ZNFX1: variants seen among roughly 807,000 people sequenced by gnomAD.
The protein encoded by ZNFX1 is NFX1-type zinc finger-containing protein 1.
A neutral mutation model predicts 179.8 loss-of-function variants in ZNFX1; 78 were observed. That is an observed-to-expected ratio of 0.43 (90% CI 0.36 to 0.52). The LOEUF (loss-of-function observed/expected upper bound fraction) is 0.52, where lower values mean the gene tolerates loss of function less well. ZNFX1 is among the 20% of genes least tolerant of loss of function. The pLI is 0.00. For synonymous variants in ZNFX1, 848 were observed against 868.5 expected (o/e 0.98, Z 0.42); for missense variants, 1,927 against 2,386.6 (o/e 0.81, Z 4.01).
chr20:49,256,977 T>A (rs1385899238), intron 8 of ZNFX1, among the ~76,000 whole-genome samples: 1 of 152,168 alleles, frequency 6.6e-6, no homozygotes, highest in Non-Finnish European at 1.5e-5. Flanking sequence ...AAGAGAAGTG[T>A]CAAATTCCAG....
At chr20:49,272,073 A>G (rs11905214) in intron 2 of ZNFX1, among the ~76,000 whole-genome samples, 28,923 of 152,170 alleles carry the variant, frequency 0.19, 2,827 homozygotes, top group Non-Finnish European at 0.22. Flanking sequence ...TAACAGTCAG[A>G]ACATGAGTTT....
chr20:49,266,889 A>G (rs1379820119), intron 3 of ZNFX1, among the ~76,000 whole-genome samples: 2 of 152,070 alleles, frequency 1.3e-5, no homozygotes. Flanking sequence ...TAGGCTAAAA[A>G]CTGCTAAATT....
At chr20:49,252,106 T>TG (rs1396916703) in intron 12 of ZNFX1, among the ~76,000 whole-genome samples, 7 of 151,088 alleles carry the variant, frequency 4.6e-5, no homozygotes, top group African/African-American at 7.3e-5. Context: ...GTGCTAGGAT[T>TG]AAGGTGTGAG....
At chr20:49,256,072 C>T (rs1367441173) in intron 8 of ZNFX1, 125 bp from the exon 9 acceptor site, 10 of 1,226,170 alleles carry the variant, frequency 8.2e-6, no homozygotes, top group African/African-American at 3.0e-5. Context: ...AAGTGTCTTA[C>T]ATTCTCCCAA....
intron 10 of ZNFX1, 72 bp downstream of exon 10, chr20:49,254,423 A>G: frequency 1.3e-6 from 2 of 1,564,820 alleles, no homozygotes; most frequent in Non-Finnish European, 1.7e-6. Flanking sequence ...GCTCCTCTTT[A>G]CCTGTCCTTA....
At chr20:49,272,976 CA>C (rs1981457701) in intron 2 of ZNFX1, among the ~76,000 whole-genome samples, 1 of 149,582 alleles carries the variant, frequency 6.7e-6, no homozygotes, top group South Asian at 2.1e-4. Flanking sequence ...ATTTTAAAAA[CA>C]AATAAAATAC....
Position 49,270,950 on chromosome 20 carries a change from C to G in ZNFX1, c.862G>C (p.Glu288Gln). The G allele has an allele frequency of 1.2e-6, 2 of 1,614,116 alleles. No individual in the cohort carries two copies. The highest frequency in any genetic ancestry group is 1.7e-6 in the Non-Finnish European group (2 of 1,180,018). Residue 288 changes from glutamate to glutamine, a missense_variant, in exon 3 of 14, where the codon GAA becomes CAA. By Grantham distance (29) the Glu-to-Gln change is conservative. Coordinates refer to ENST00000396105, the MANE Select transcript of ZNFX1 (RefSeq NM_021035.3). This position sits in a 1 kb window ranked among gnomAD's most constrained non-coding sequence, Gnocchi z 4.6. ...TCCAGGTTCTTCTCCGTTTCCTCTTCTATGTCAACACCAGAGGCTCTCAGA... is the reference window on the plus strand; with the variant it reads ...TCCAGGTTCTTCTCCGTTTCCTCTTGTATGTCAACACCAGAGGCTCTCAGA... Reference protein sequence around the residue: ...NALRASGVDIEEETEKNLEKV... With the variant: ...NALRASGVDIQEETEKNLEKV...
rs1980756860 is a variant in ZNFX1 at position 49,248,910 on chromosome 20, A to T, written c.4114T>A (p.Cys1372Ser). The change falls in exon 14 of 14, where the codon TGC (cysteine) becomes AGC (serine). Residue 1372 changes from cysteine to serine, a missense_variant. Transcript: ENST00000396105. This position sits in a 1 kb window ranked among gnomAD's most constrained non-coding sequence, Gnocchi z 4.6. ...AGAGACTTGGAGCAAGGCTCCTGGC[A>T]GCAGAAATCTGACTCAGGCACGGAA... is the stretch of plus-strand genomic sequence containing the variant. ...PCSVPESDFC[C>S]QEPCSKSLRC... The T allele has an allele frequency of 6.2e-7, 1 of 1,614,282 alleles. No homozygotes were observed.
At chr20:49,251,643 C>T (rs550553822) in intron 12 of ZNFX1, 21 bp from the exon 13 acceptor site, 2 of 1,586,786 alleles carry the variant, frequency 1.3e-6, no homozygotes, top group African/African-American at 1.4e-5. Flanking sequence ...ACATGCATGT[C>T]ATTAGAAACA....
Position 49,263,379 on chromosome 20 carries a change from G to A in ZNFX1, c.2256C>T (p.Tyr752=). 6.2e-7 allele frequency: 1 copy of A among 1,613,992 alleles called. No homozygotes were observed. The highest frequency in any genetic ancestry group is 8.5e-7 in the Non-Finnish European group (1 of 1,180,030). The change falls in exon 6 of 14, where the codon TAC becomes TAT. Residue 752 remains tyrosine (Y), a synonymous_variant. Coordinates refer to ENST00000396105, the MANE Select transcript of ZNFX1 (RefSeq NM_021035.3). ...GACTTTCCCAGTGCTGGGGTGAGAT[G>A]TACTTCTGCAGGTACTGTTCCCGTA... The part of the protein sequence containing the change: ...GVLREQYLQK[Y]ISPQHWESLM...
At chr20:49,260,691 C>T in intron 6 of ZNFX1, 114 bp from the exon 7 acceptor site, 2 of 714,324 alleles carry the variant, frequency 2.8e-6, no homozygotes, top group Non-Finnish European at 4.4e-6. Context: ...CCTGTAATCC[C>T]AGCAATTTGG....
intron 7 of ZNFX1, 134 bp downstream of exon 7, chr20:49,260,329 A>T: frequency 2.2e-6 from 1 of 465,074 alleles, no homozygotes; most frequent in Non-Finnish European, 3.7e-6. Context: ...TTTTCCTTAT[A>T]TTAAGCTATT....
At chr20:49,267,295 C>T (rs1981259296) in intron 3 of ZNFX1, among the ~76,000 whole-genome samples, 1 of 152,250 alleles carries the variant, frequency 6.6e-6, no homozygotes, top group South Asian at 2.1e-4. Context: ...AAAGATTTCA[C>T]TACAGCAGGA....
In ZNFX1 at chr20:49,266,043, CT is replaced by C. The variant is rs905932853; in HGVS notation, c.2002+91del. ...TGTAAGTAATGATAAGGACTGTTGACTTTGTTTGAAGAGCAATAGAAAGCTA... is the reference window on the plus strand; with the variant it reads ...TGTAAGTAATGATAAGGACTGTTGACTTGTTTGAAGAGCAATAGAAAGCTA... On this transcript the variant is annotated intron_variant, in intron 4 of 13. Coordinates refer to ENST00000396105, the MANE Select transcript of ZNFX1 (RefSeq NM_021035.3). 73 of 1,453,784 alleles carry C rather than the reference CT, an allele frequency of 5.0e-5. No homozygotes were observed. The African/African-American group carries it at 9.3e-4, about 18-fold the overall frequency. The allele number at this position is 1,453,784 out of a possible 1,614,324, so 90.1% of individuals were successfully genotyped here. A position where few individuals can be genotyped will look rare whatever the true frequency, so the allele number is the denominator to read the frequency against.
chr20:49,254,413 G>T (rs1980917458), intron 10 of ZNFX1, 82 bp downstream of exon 10: 1 of 1,512,590 alleles, frequency 6.6e-7, no homozygotes, highest in Non-Finnish European at 9.0e-7. Context: ...TACCAAAGAA[G>T]CTCCTCTTTA....
rs772055435 is a variant in ZNFX1, at chr20:49,246,925, A to G, written c.*342T>C. 4 of 465,838 alleles carry G rather than the reference A, an allele frequency of 8.6e-6. No homozygotes were observed. Among genetic ancestry groups the G allele is most frequent in the Non-Finnish European group, 1.7e-5 (4 of 234,608 alleles). The allele number at this position is 465,838 out of a possible 1,614,324, so 28.9% of individuals were successfully genotyped here. On this transcript the variant is annotated 3_prime_UTR_variant, in exon 14 of 14. Transcript: ENST00000396105. ...CTCCTGTCGCCCAGACTGGAGTGCAATGGCATGATCTCAGCTCACTGCAAC... is the reference window on the plus strand; with the variant it reads ...CTCCTGTCGCCCAGACTGGAGTGCAGTGGCATGATCTCAGCTCACTGCAAC...
intron 2 of ZNFX1, among the ~76,000 whole-genome samples, chr20:49,274,957 C>A (rs1215592992): frequency 9.8e-6 from 1 of 101,618 alleles, no homozygotes; most frequent in African/African-American, 3.1e-5. Context: ...CCCGTCTCTA[C>A]TGAAAATACA....
At chr20:49,250,674 C>T (rs777625604) in intron 13 of ZNFX1, among the ~76,000 whole-genome samples, 82 of 152,252 alleles carry the variant, frequency 5.4e-4, no homozygotes, top group Non-Finnish European at 7.8e-4. Context: ...GCCTCAGCCT[C>T]CCAAGTAGCT....
Position 49,264,765 on chromosome 20 carries a change from C to A in ZNFX1, c.2102G>T (p.Arg701Leu), listed in dbSNP as rs753184564. Residue 701 changes from arginine (R) to leucine (L), a missense_variant, in exon 5 of 14, where the codon CGG becomes CTG. Coordinates refer to ENST00000396105, the MANE Select transcript of ZNFX1 (RefSeq NM_021035.3). Reference sequence around the variant, plus strand: ...CATGGGGAGGTTGCGGCGGAATTCCCGCTTGTTCCTCAGCTCCCTTAGGGT... The same window carrying A: ...CATGGGGAGGTTGCGGCGGAATTCCAGCTTGTTCCTCAGCTCCCTTAGGGT... ...QFTLRELRNKREFRRNLPMHL... is the reference protein window; with the variant it reads ...QFTLRELRNKLEFRRNLPMHL... 1.9e-6 allele frequency: 3 copies of A among 1,614,158 alleles called. No individual in the cohort carries two copies. Among genetic ancestry groups the A allele is most frequent in the Non-Finnish European group, 2.5e-6 (3 of 1,180,040 alleles).
Sources: allele counts gnomAD v4.1 joint callset (sites outside exome capture counted in the v4.1 genomes callset), GRCh38; gene constraint gnomAD v4.1.1; non-coding constraint Gnocchi (gnomAD v3.1); transcripts MANE v1.5; gene names NCBI Gene and HGNC (gene_info 2026-07-23, HGNC 2026-07-21).